Variants in BCAT1 observed in about 807,000 individuals in gnomAD.
BCAT1 encodes the protein branched-chain-amino-acid aminotransferase, cytosolic.
In BCAT1, 48 loss-of-function variants were observed where a neutral mutation model predicts 52.4. The ratio of observed to expected loss-of-function variants is 0.92; its 90% CI spans 0.73 to 1.16. BCAT1 has a LOEUF of 1.16. Ranked by LOEUF, BCAT1 falls within the 50% of genes most tolerant of loss-of-function variation. The pLI is 0.00. For synonymous variants in BCAT1, 167 were observed against 161.3 expected (o/e 1.04, Z -0.27); for missense variants, 451 against 457.1 (o/e 0.99, Z 0.12).
intron 3 of BCAT1, among the ~76,000 whole-genome samples, chr12:24,889,415 G>C (rs974939659): frequency 6.6e-6 from 1 of 152,168 alleles, no homozygotes; most frequent in African/African-American, 2.4e-5. Flanking sequence ...TGAAATGGCC[G>C]AACAATATTT....
chr12:24,902,073 C>T, intron 1 of BCAT1, 188 bp from the exon 2 acceptor site: 9 of 1,508,992 alleles, frequency 6.0e-6, no homozygotes, highest in Non-Finnish European at 7.9e-6. Context: ...GAGCGCTGCC[C>T]TGCACTTCCC....
At chr12:24,896,713 G>A (rs1316620468) in intron 2 of BCAT1, among the ~76,000 whole-genome samples, 1 of 152,124 alleles carries the variant, frequency 6.6e-6, no homozygotes, top group African/African-American at 2.4e-5. Flanking sequence ...GTTGCAGTCA[G>A]CAGAGACACA....
intron 1 of BCAT1, among the ~76,000 whole-genome samples, chr12:24,929,839 T>C (rs1474674005): frequency 1.3e-5 from 2 of 152,230 alleles, no homozygotes; most frequent in Admixed American, 6.5e-5. Flanking sequence ...TCTCATATTT[T>C]ATGGGACTCC....
At chr12:24,901,996 C>T (rs766093150) in intron 1 of BCAT1, 111 bp from the exon 2 acceptor site, 17 of 1,599,088 alleles carry the variant, frequency 1.1e-5, no homozygotes, top group Non-Finnish European at 1.4e-5. Flanking sequence ...AGGACCCAGG[C>T]AAACACAAAA....
chr12:24,856,465 GTAAT>G (rs1240405028), intron 5 of BCAT1, among the ~76,000 whole-genome samples: 1 of 152,150 alleles, frequency 6.6e-6, no homozygotes, highest in Non-Finnish European at 1.5e-5. Context: ...CTTTAAAGAG[GTAAT>G]TAAACTTAAA....
intron 1 of BCAT1, among the ~76,000 whole-genome samples, chr12:24,919,037 A>G (rs1244657446): frequency 1.3e-5 from 2 of 152,220 alleles, no homozygotes; most frequent in Non-Finnish European, 2.9e-5. Flanking sequence ...TTGATTGAAT[A>G]TATTAATCTA....
At chr12:24,833,462 T>C (rs1203660484) in intron 8 of BCAT1, among the ~76,000 whole-genome samples, 2 of 152,116 alleles carry the variant, frequency 1.3e-5, no homozygotes, top group Non-Finnish European at 2.9e-5. Context: ...GAGGTTGCAG[T>C]GAACCAAGAT....
rs576977435 is a variant in BCAT1 at position 24,825,443 on chromosome 12, C to T, written c.1119+4380G>A. On this transcript the variant is annotated intron_variant, in intron 10 of 10. Transcript: ENST00000261192. Reference sequence around the variant, plus strand: ...TGATGGTTCCCTTTCTCCACATCCTCCCAGCATCTGTTATTGCCTGTTTTT... The same window carrying T: ...TGATGGTTCCCTTTCTCCACATCCTTCCAGCATCTGTTATTGCCTGTTTTT... Among the ~76,000 whole-genome samples, 8 of 135,468 alleles carry T rather than the reference C, an allele frequency of 5.9e-5. No individual in the cohort carries two copies. The East Asian group carries it at 1.8e-3, about 31-fold the overall frequency. 88.9% of individuals were successfully genotyped at this position (135,468 alleles called of 152,430 possible).
chr12:24,830,575 AACACTTTTCATATTAT>A (rs1426343515), intron 9 of BCAT1: 1 of 152,186 alleles, frequency 6.6e-6, no homozygotes, highest in East Asian at 1.9e-4. Context: ...TGTGCTCTCA[AACACTTTTCATATTAT>A]ACCCTTTAGT....
chr12:24,926,970 T>C (rs1943599131), intron 1 of BCAT1, among the ~76,000 whole-genome samples: 1 of 150,264 alleles, frequency 6.7e-6, no homozygotes, highest in South Asian at 2.1e-4. Context: ...AAAAAAAAAC[T>C]GCAGACAAAT....
intron 1 of BCAT1, among the ~76,000 whole-genome samples, chr12:24,914,779 T>C (rs1432581316): frequency 6.6e-6 from 1 of 152,204 alleles, no homozygotes; most frequent in Non-Finnish European, 1.5e-5. Flanking sequence ...TATCAAGTTG[T>C]CTAGCTAAAG....
At chr12:24,819,426 C>A (rs921449589) in intron 10 of BCAT1, among the ~76,000 whole-genome samples, 1 of 152,102 alleles carries the variant, frequency 6.6e-6, no homozygotes, top group Admixed American at 6.6e-5. Context: ...ATAAGTGGGG[C>A]TCTGGATTTT....
At chr12:24,836,417 G>GA in intron 8 of BCAT1, 94 bp downstream of exon 8, 1 of 1,069,536 alleles carries the variant, frequency 9.3e-7, no homozygotes, top group East Asian at 2.6e-5. Context: ...ACATTGGTTG[G>GA]AACCACAGGA....
chr12:24,880,829 G>T (rs1942469323), intron 4 of BCAT1, among the ~76,000 whole-genome samples: 1 of 101,794 alleles, frequency 9.8e-6, no homozygotes, highest in African/African-American at 3.9e-5. Context: ...TATTTTCTTG[G>T]GTTTTTTGTT....
intron 9 of BCAT1, chr12:24,830,687 C>A (rs1480825623): frequency 6.6e-6 from 1 of 152,134 alleles, no homozygotes; most frequent in East Asian, 1.9e-4. Context: ...ACTTTATAAA[C>A]TTCTTATTTC....
chr12:24,833,387 C>T (rs1456929824), intron 8 of BCAT1, among the ~76,000 whole-genome samples: 3 of 151,928 alleles, frequency 2.0e-5, no homozygotes, highest in Admixed American at 6.6e-5. Flanking sequence ...GGCATGGTGG[C>T]GGGTGCCTGT....
chr12:24,902,769 C>T (rs904522774), intron 1 of BCAT1: 8 of 914,880 alleles, frequency 8.7e-6, no homozygotes, highest in African/African-American at 7.1e-5. Flanking sequence ...CAGGCTGGGA[C>T]TCCAGATTTC....
intron 3 of BCAT1, among the ~76,000 whole-genome samples, chr12:24,889,156 A>G (rs1173331569): frequency 1.3e-5 from 2 of 152,208 alleles, no homozygotes; most frequent in Admixed American, 6.5e-5. Context: ...CTCTCCCTAC[A>G]GAAAGAACTG....
chr12:24,849,585 G>A (rs1941444050), intron 6 of BCAT1, among the ~76,000 whole-genome samples: 1 of 152,184 alleles, frequency 6.6e-6, no homozygotes, highest in Non-Finnish European at 1.5e-5. Flanking sequence ...CTAAAAGCGA[G>A]GGCACTGAAT....
Sources: allele counts gnomAD v4.1 joint callset (sites outside exome capture counted in the v4.1 genomes callset), GRCh38; gene constraint gnomAD v4.1.1; transcripts MANE v1.5; gene names NCBI Gene and HGNC (gene_info 2026-07-23, HGNC 2026-07-21).